The following NCAPG2 variants were observed in gnomAD, a reference collection of about 807,000 sequenced individuals.
The protein encoded by NCAPG2 is condensin-2 complex subunit G2.
A neutral mutation model predicts 141.1 loss-of-function variants in NCAPG2; 53 were observed. The ratio of observed to expected loss-of-function variants is 0.38; its 90% CI spans 0.30 to 0.47. The LOEUF (loss-of-function observed/expected upper bound fraction) is 0.47, where lower values mean the gene tolerates loss of function less well. Among genes scored for constraint, NCAPG2 ranks in the 20% least tolerant of loss-of-function variants. The probability of loss-of-function intolerance (pLI) is 0.99; values close to 1 mark genes in which losing one functional copy is unlikely to be tolerated. For missense variants in NCAPG2, 1,087 were observed against 1,389.0 expected (o/e 0.78, Z 3.46); for synonymous variants, 499 against 490.7 (o/e 1.02, Z -0.22).
chr7:158,661,481 T>TA (rs1832499840), intron 16 of NCAPG2, among the ~76,000 whole-genome samples: 1 of 152,146 alleles, frequency 6.6e-6, no homozygotes, highest in African/African-American at 2.4e-5. Context: ...AAGGGTTAGC[T>TA]AAAGGATTCA....
chr7:158,701,675 A>G, intron 2 of NCAPG2, 147 bp downstream of exon 2: 1 of 721,018 alleles, frequency 1.4e-6, no homozygotes, highest in Non-Finnish European at 2.3e-6. Flanking sequence ...ATTTGAGTAT[A>G]AAGGGTTTTG....
chr7:158,669,193 CAT>C (rs1172606984), intron 13 of NCAPG2, among the ~76,000 whole-genome samples: 2 of 152,140 alleles, frequency 1.3e-5, no homozygotes, highest in Non-Finnish European at 2.9e-5. Context: ...AGGTTGGTTC[CAT>C]GTCTTTGCTA....
chr7:158,633,719 G>A lies in NCAPG2; in HGVS notation c.3381-2002C>T, dbSNP rs1224710155. Among the ~76,000 whole-genome samples, 1 of 152,314 alleles carries A rather than the reference G, an allele frequency of 6.6e-6. No individual in the cohort carries two copies. Among genetic ancestry groups the A allele is most frequent in the Middle Eastern group, 3.4e-3 (1 of 294 alleles). ...GCCAGAGGCAAGACAGAGGAGAACAGGCCCAGGAAGTCATGAACCCTCCAA... is the reference window on the plus strand; with the variant it reads ...GCCAGAGGCAAGACAGAGGAGAACAAGCCCAGGAAGTCATGAACCCTCCAA... On this transcript the variant is annotated intron_variant, in intron 27 of 27. Coordinates refer to ENST00000356309, the MANE Select transcript of NCAPG2 (RefSeq NM_017760.7). This position sits in a 1 kb window ranked among gnomAD's most constrained non-coding sequence, Gnocchi z 4.1.
At chr7:158,656,758 A>G (rs947433298) in intron 17 of NCAPG2, 53 bp from the exon 18 acceptor site, 17 of 1,576,446 alleles carry the variant, frequency 1.1e-5, no homozygotes, top group Non-Finnish European at 1.5e-5. Context: ...AGACTCCCCA[A>G]CTTTGTCAAA....
chr7:158,654,630 T>C lies in NCAPG2; in HGVS notation c.2711A>G (p.Gln904Arg), dbSNP rs762700421. The part of the protein sequence containing the change: ...VGLGDHQFQM[Q>R]LLQRSLGIMQ... ...GATTCCAAGACTCCGCTGTAAGAGT[T>C]GCATCTGAAACTGATGGTCACCAAG... is the stretch of plus-strand genomic sequence containing the variant. The change falls in exon 22 of 28, where the codon CAA (glutamine) becomes CGA (arginine). Residue 904 changes from glutamine to arginine, a missense_variant. Coordinates refer to ENST00000356309, the MANE Select transcript of NCAPG2 (RefSeq NM_017760.7). The C allele has an allele frequency of 2.7e-5, 44 of 1,614,014 alleles. No individual in the cohort carries two copies. The highest frequency in any genetic ancestry group is 3.4e-5 in the Non-Finnish European group (40 of 1,180,010).
chr7:158,642,102 AT>A, intron 27 of NCAPG2, among the ~76,000 whole-genome samples: 1 of 152,340 alleles, frequency 6.6e-6, no homozygotes, highest in Admixed American at 6.5e-5. Flanking sequence ...AGCTGGAAAA[AT>A]CCCCAAACAC....
intron 13 of NCAPG2, chr7:158,666,999 G>A (rs1397299337): frequency 7.6e-6 from 3 of 396,890 alleles, no homozygotes; most frequent in Admixed American, 6.4e-5. Context: ...TCATGTGCCA[G>A]GTTGTTCCTG....
intron 2 of NCAPG2, among the ~76,000 whole-genome samples, chr7:158,696,848 T>A (rs1043192141): frequency 6.6e-6 from 1 of 152,196 alleles, no homozygotes; most frequent in African/African-American, 2.4e-5. Context: ...CCCATTTGGA[T>A]CTCTGATCAA....
chr7:158,689,765 A>C (rs113058123), intron 6 of NCAPG2, 54 bp downstream of exon 6: 1 of 1,448,504 alleles, frequency 6.9e-7, no homozygotes, highest in Non-Finnish European at 9.3e-7. Flanking sequence ...ACACAGGAGA[A>C]ACATCTATTA....
In NCAPG2 at chr7:158,655,137, A is replaced by G. The variant is rs1563515606; in HGVS notation, c.2627T>C (p.Ile876Thr). ...TCTAACCTGGATAATTTGCTGATAA[A>G]TGACCCTATGAAGCTTCAGGTAGTC... ...EEDYLKLHRV[I>T]YQQIIQTYLT... Residue 876 changes from isoleucine to threonine, a missense_variant, in exon 21 of 28, where the codon ATT (isoleucine) becomes ACT (threonine). Physicochemically the swap from Ile to Thr is moderately conservative, Grantham distance 89. Coordinates refer to ENST00000356309, the MANE Select transcript of NCAPG2 (RefSeq NM_017760.7). 1 of 1,612,110 alleles carries G rather than the reference A, an allele frequency of 6.2e-7. No homozygotes were observed.
rs1334535743 is a variant in NCAPG2, at chr7:158,677,545, A to C, written c.1147-1889T>G. Among the ~76,000 whole-genome samples, 4 of 143,630 alleles carry C rather than the reference A, an allele frequency of 2.8e-5. No individual in the cohort carries two copies. The East Asian group carries it at 6.1e-4, about 22-fold the overall frequency. 94.2% of individuals were successfully genotyped at this position (143,630 alleles called of 152,430 possible). A position where few individuals can be genotyped will look rare whatever the true frequency, so the allele number is the denominator to read the frequency against. On this transcript the variant is annotated intron_variant, in intron 11 of 27. Transcript: ENST00000356309. ...TAAAGCAAAAAAAAAAAAAAAAAAAAAAACAGAAAAGAACTTTAGGAATCT... is the reference window on the plus strand; with the variant it reads ...TAAAGCAAAAAAAAAAAAAAAAAAACAAACAGAAAAGAACTTTAGGAATCT...
intron 2 of NCAPG2, chr7:158,695,997 T>C (rs1392112711): frequency 6.6e-6 from 1 of 152,280 alleles, no homozygotes; most frequent in Admixed American, 6.5e-5. Flanking sequence ...GTAGTCTATA[T>C]GCCCAGAGGG....
chr7:158,684,001 C>G (rs1251980222), intron 8 of NCAPG2, among the ~76,000 whole-genome samples: 1 of 152,152 alleles, frequency 6.6e-6, no homozygotes, highest in Non-Finnish European at 1.5e-5. Flanking sequence ...GTACTCTGTG[C>G]CCACCCTCAC....
chr7:158,677,841 T>C (rs1264630771), intron 11 of NCAPG2, among the ~76,000 whole-genome samples: 1 of 152,142 alleles, frequency 6.6e-6, no homozygotes, highest in Non-Finnish European at 1.5e-5. Context: ...AACAGGGTCT[T>C]GCTCTGTCAC....
intron 11 of NCAPG2, among the ~76,000 whole-genome samples, chr7:158,679,554 G>T (rs1218339378): frequency 6.6e-6 from 1 of 152,144 alleles, no homozygotes; most frequent in Admixed American, 6.5e-5. Context: ...AAGACACAGA[G>T]AAGTTAAGTG....
intron 25 of NCAPG2, 121 bp from the exon 26 acceptor site, chr7:158,645,740 G>T: frequency 1.2e-6 from 1 of 820,452 alleles, no homozygotes; most frequent in Non-Finnish European, 2.0e-6. Flanking sequence ...GACGTGGGAA[G>T]GTGACTGAAC....
At chr7:158,697,158 T>C (rs942856788) in intron 2 of NCAPG2, among the ~76,000 whole-genome samples, 4 of 152,348 alleles carry the variant, frequency 2.6e-5, no homozygotes, top group Middle Eastern at 3.4e-3. Context: ...GGAGATGAGA[T>C]GACAGCTGCA....
chr7:158,655,756 T>TGCCCTGCACGCA (rs1831924716), intron 19 of NCAPG2, among the ~76,000 whole-genome samples: 3 of 2,442 alleles, frequency 1.2e-3, no homozygotes, highest in South Asian at 0.011. Context: ...GGCTCCACTC[T>TGCCCTGCACGCA]GCTGGGGCTT....
chr7:158,696,202 C>G (rs1835432117), intron 2 of NCAPG2: 1 of 152,260 alleles, frequency 6.6e-6, no homozygotes, highest in African/African-American at 2.4e-5. Flanking sequence ...CTAATGAGGT[C>G]TCCCTCTGCA....
Sources: allele counts gnomAD v4.1 joint callset (sites outside exome capture counted in the v4.1 genomes callset), GRCh38; gene constraint gnomAD v4.1.1; non-coding constraint Gnocchi (gnomAD v3.1); transcripts MANE v1.5; gene names NCBI Gene and HGNC (gene_info 2026-07-23, HGNC 2026-07-21).